The following PRKD1 variants were observed in gnomAD, a reference collection of about 807,000 sequenced individuals.
The protein encoded by PRKD1 is protein kinase D1.
In PRKD1, 63 loss-of-function variants were observed where a neutral mutation model predicts 95.9. The observed-to-expected ratio is 0.66, with a 90% CI of 0.54 to 0.81. The LOEUF (loss-of-function observed/expected upper bound fraction) is 0.81. PRKD1 is among the 30% of genes least tolerant of loss of function. The pLI is 0.00. For missense variants in PRKD1, 1,048 were observed against 1,165.3 expected (o/e 0.90, Z 1.47); for synonymous variants, 425 against 423.1 (o/e 1.00, Z -0.05).
chr14:29,746,726 T>C (rs548737584), intron 1 of PRKD1, among the ~76,000 whole-genome samples: 1 of 152,264 alleles, frequency 6.6e-6, no homozygotes, highest in African/African-American at 2.4e-5. Context: ...CCCAATTCTG[T>C]TCATTATTCA....
intron 13 of PRKD1, among the ~76,000 whole-genome samples, chr14:29,623,928 T>A (rs1275063340): frequency 6.6e-6 from 1 of 152,214 alleles, no homozygotes; most frequent in African/African-American, 2.4e-5. Flanking sequence ...ATATTAATTA[T>A]ATATTAAAAC....
chr14:29,604,217 T>G (rs1353269833), intron 13 of PRKD1, among the ~76,000 whole-genome samples: 3 of 152,226 alleles, frequency 2.0e-5, no homozygotes, highest in Non-Finnish European at 4.4e-5. Flanking sequence ...GTACTAATAT[T>G]CTTTAAGTCT....
chr14:29,916,753 T>C (rs1001482610), intron 1 of PRKD1, among the ~76,000 whole-genome samples: 4 of 152,190 alleles, frequency 2.6e-5, no homozygotes, highest in Admixed American at 2.6e-4. Context: ...TGTCTCAAAA[T>C]GGACAGTAGA....
chr14:29,620,790 T>C (rs1879196586), intron 13 of PRKD1, among the ~76,000 whole-genome samples: 1 of 152,012 alleles, frequency 6.6e-6, no homozygotes, highest in African/African-American at 2.4e-5. Flanking sequence ...GATCTAGAAG[T>C]AGAAATACCA....
In PRKD1 at chr14:29,874,753, C is replaced by T. The variant is rs138297283; in HGVS notation, c.264+52496G>A. On this transcript the variant is annotated intron_variant, in intron 1 of 17. Transcript: ENST00000331968. ...AACCCAGGCACAAAAAGACAAATTA[C>T]GTATGTTCTCACTCATAAGAGTTTT... Among the ~76,000 whole-genome samples the T allele has an allele frequency of 9.1e-3, 1,392 of 152,214 alleles. 12 individuals are homozygous for T. Among genetic ancestry groups the T allele is most frequent in the Non-Finnish European group, 0.015 (1,009 of 68,002 alleles).
intron 1 of PRKD1, among the ~76,000 whole-genome samples, chr14:29,801,885 T>C (rs1445420188): frequency 1.3e-5 from 2 of 152,056 alleles, no homozygotes; most frequent in Non-Finnish European, 2.9e-5. Context: ...ACGGGGTTTC[T>C]CCATGTTGGT....
intron 1 of PRKD1, among the ~76,000 whole-genome samples, chr14:29,736,749 C>T (rs1378388183): frequency 3.2e-4 from 49 of 152,306 alleles, no homozygotes; most frequent in Non-Finnish European, 2.9e-5. Flanking sequence ...AACCTTTATG[C>T]TGCTGTGTGT....
chr14:29,876,716 C>CAAAAAAAAAAAAA (rs201219057), intron 1 of PRKD1, among the ~76,000 whole-genome samples: 1 of 140,608 alleles, frequency 7.1e-6, no homozygotes, highest in African/African-American at 3.0e-5. Context: ...CAAAAACAAA[C>CAAAAAAAAAAAAA]AAACAAAAAA....
chr14:29,921,241 G>T (rs2139139428), intron 1 of PRKD1, among the ~76,000 whole-genome samples: 1 of 152,216 alleles, frequency 6.6e-6, no homozygotes, highest in Non-Finnish European at 1.5e-5. Flanking sequence ...CTTAAAGAAT[G>T]CTGAGAGTTT....
chr14:29,720,519 C>A (rs567649040), intron 2 of PRKD1, among the ~76,000 whole-genome samples: 1 of 151,854 alleles, frequency 6.6e-6, no homozygotes, highest in Non-Finnish European at 1.5e-5. Context: ...CGGTGGCTCA[C>A]GCCTGTAATC....
At chr14:29,873,447 T>C (rs560602197) in intron 1 of PRKD1, among the ~76,000 whole-genome samples, 211 of 150,412 alleles carry the variant, frequency 1.4e-3, no homozygotes, top group Non-Finnish European at 1.7e-3. Context: ...TTTAGCTAGA[T>C]ATTAGGTCAA....
intron 1 of PRKD1, among the ~76,000 whole-genome samples, chr14:29,781,172 G>A (rs970779166): frequency 7.7e-4 from 116 of 151,084 alleles, no homozygotes; most frequent in South Asian, 1.7e-3. Context: ...ATAGCATTAG[G>A]AGATATACCT....
chr14:29,840,711 TTACA>T, intron 1 of PRKD1, among the ~76,000 whole-genome samples: 1 of 152,272 alleles, frequency 6.6e-6, no homozygotes, highest in East Asian at 1.9e-4. Context: ...AAGTCACGTC[TTACA>T]TGGATGGCAG....
At chr14:29,890,288 C>T (rs1893893868) in intron 1 of PRKD1, among the ~76,000 whole-genome samples, 1 of 152,090 alleles carries the variant, frequency 6.6e-6, no homozygotes, top group Admixed American at 6.5e-5. Flanking sequence ...ATAATTAAAG[C>T]AATAAATCTC....
At chr14:29,612,579 T>G (rs957950155) in intron 13 of PRKD1, among the ~76,000 whole-genome samples, 3 of 152,222 alleles carry the variant, frequency 2.0e-5, no homozygotes, top group Non-Finnish European at 4.4e-5. Flanking sequence ...AATTTTTACT[T>G]GAAACCTAGC....
At chr14:29,577,776 A>G (rs1892609326) in intron 17 of PRKD1, among the ~76,000 whole-genome samples, 1 of 152,220 alleles carries the variant, frequency 6.6e-6, no homozygotes, top group Admixed American at 6.5e-5. Flanking sequence ...TCAGAGTATT[A>G]GTTTCCTAAA....
chr14:29,658,848 C>T lies in PRKD1; in HGVS notation c.696+4851G>A, dbSNP rs567737375. Among the ~76,000 whole-genome samples, 6 of 152,198 alleles carry T rather than the reference C, an allele frequency of 3.9e-5. No homozygotes were observed. The South Asian group carries it at 8.3e-4, about 21-fold the overall frequency. On this transcript the variant is annotated intron_variant, in intron 4 of 17. Coordinates refer to ENST00000331968, the MANE Select transcript of PRKD1 (RefSeq NM_002742.3). The stretch of plus-strand genomic sequence containing the variant: ...TATTTCCAATGTAAATTTTATAGCT[C>T]CATTTTCTTTTAATTGACTGATAGG...
chr14:29,923,877 C>T (rs1895209294), intron 1 of PRKD1, among the ~76,000 whole-genome samples: 1 of 148,824 alleles, frequency 6.7e-6, no homozygotes, highest in South Asian at 2.1e-4. Context: ...AGATGATGTA[C>T]TATGAAACCA....
intron 1 of PRKD1, among the ~76,000 whole-genome samples, chr14:29,852,006 CACTT>C (rs1038970729): frequency 5.7e-4 from 87 of 152,158 alleles, no homozygotes; most frequent in African/African-American, 1.9e-3. Context: ...TTCATGTTCT[CACTT>C]ACAAGTGGGA....
Sources: gnomAD v4.1 joint callset for allele counts (sites outside exome capture counted in the v4.1 genomes callset) on GRCh38, gnomAD v4.1.1 for gene constraint, MANE v1.5 for transcripts, NCBI Gene and HGNC (gene_info 2026-07-23, HGNC 2026-07-21) for gene names.